CNTN3: variants seen among roughly 807,000 people sequenced by gnomAD.
The protein encoded by CNTN3 is contactin-3.
In CNTN3, 60 loss-of-function variants were observed where a neutral mutation model predicts 119.1. The ratio of observed to expected loss-of-function variants is 0.50; its 90% CI spans 0.41 to 0.62. The LOEUF is 0.62. CNTN3 is among the 20% of genes least tolerant of loss of function. CNTN3 has a pLI of 0.00. For synonymous variants in CNTN3, 450 were observed against 438.7 expected (o/e 1.03, Z -0.32); for missense variants, 1,101 against 1,242.4 (o/e 0.89, Z 1.71).
intron 13 of CNTN3, among the ~76,000 whole-genome samples, chr3:74,311,934 T>C (rs1702693781): frequency 6.6e-6 from 1 of 151,858 alleles, no homozygotes; most frequent in African/African-American, 2.4e-5. Flanking sequence ...ACATGAACTA[T>C]AATTGAGTAA....
intron 1 of CNTN3, among the ~76,000 whole-genome samples, chr3:74,530,828 G>C (rs1038572119): frequency 6.6e-6 from 1 of 152,032 alleles, no homozygotes; most frequent in Middle Eastern, 3.4e-3. Flanking sequence ...GGAAGAGGGA[G>C]AGTGCAGCAC....
At chr3:74,418,003 T>C (rs1442207362) in intron 5 of CNTN3, among the ~76,000 whole-genome samples, 1 of 152,166 alleles carries the variant, frequency 6.6e-6, no homozygotes, top group African/African-American at 2.4e-5. Flanking sequence ...TGCCAATTTC[T>C]CATTAGCCTA....
At chr3:74,273,797 G>A (rs980006831) in intron 20 of CNTN3, among the ~76,000 whole-genome samples, 1 of 152,194 alleles carries the variant, frequency 6.6e-6, no homozygotes, top group African/African-American at 2.4e-5. Context: ...TTAACTGGTT[G>A]AGAAGCTTCC....
chr3:74,515,476 C>A (rs377245217), intron 2 of CNTN3, among the ~76,000 whole-genome samples: 13 of 152,114 alleles, frequency 8.5e-5, no homozygotes, highest in African/African-American at 2.9e-4. Context: ...AGGAAATACA[C>A]ATCCTGTTTA....
At position 74,409,027 on chromosome 3, in the gene CNTN3, C is replaced by T. The variant is rs528703998; in HGVS notation, c.454+15818G>A. The stretch of plus-strand genomic sequence containing the variant: ...ACAGCTTAGAAGAAGCAGTCTTCCA[C>T]GAAGAGCCTTGCATATATATAAGGG... On this transcript the variant is annotated intron_variant, in intron 5 of 22. Transcript: ENST00000263665. 5.6e-4 allele frequency among the ~76,000 whole-genome samples: 86 copies of T among 152,214 alleles called. 1 individual carries two copies. The highest frequency in any genetic ancestry group is 3.5e-3 in the South Asian group (17 of 4,824).
At chr3:74,447,955 A>G (rs1702079109) in intron 4 of CNTN3, among the ~76,000 whole-genome samples, 1 of 152,190 alleles carries the variant, frequency 6.6e-6, no homozygotes, top group Non-Finnish European at 1.5e-5. Context: ...GATGCAGCCC[A>G]GCTTAAAATT....
intron 19 of CNTN3, 124 bp downstream of exon 19, chr3:74,294,997 G>A: frequency 3.7e-6 from 2 of 539,272 alleles, no homozygotes; most frequent in Non-Finnish European, 6.7e-6. Flanking sequence ...GAAACAATGT[G>A]TTGATAAAAA....
chr3:74,596,765 A>G (rs968017489), intron 1 of CNTN3, among the ~76,000 whole-genome samples: 1 of 152,080 alleles, frequency 6.6e-6, no homozygotes, highest in Non-Finnish European at 1.5e-5. Flanking sequence ...TCCCCTACAC[A>G]AATCAGTGAA....
chr3:74,336,391 T>A, intron 12 of CNTN3, 140 bp downstream of exon 12: 1 of 864,052 alleles, frequency 1.2e-6, no homozygotes, highest in Non-Finnish European at 1.8e-6. Flanking sequence ...GACTTTCACC[T>A]GTTAAAAATA....
chr3:74,398,673 G>C (rs1406475987), intron 5 of CNTN3, among the ~76,000 whole-genome samples: 4 of 152,130 alleles, frequency 2.6e-5, no homozygotes, highest in Non-Finnish European at 5.9e-5. Flanking sequence ...TAAAATGTGT[G>C]TCAAACAGTG....
chr3:74,597,160 G>T (rs1298106093), intron 1 of CNTN3, among the ~76,000 whole-genome samples: 2 of 152,062 alleles, frequency 1.3e-5, no homozygotes, highest in Non-Finnish European at 2.9e-5. Context: ...AATGCATATT[G>T]TTTGTACACA....
chr3:74,537,423 T>A (rs1172114837), intron 1 of CNTN3, among the ~76,000 whole-genome samples: 1 of 152,132 alleles, frequency 6.6e-6, no homozygotes, highest in Non-Finnish European at 1.5e-5. Flanking sequence ...GCCCAGAATT[T>A]GTATTTTTAA....
intron 8 of CNTN3, among the ~76,000 whole-genome samples, chr3:74,368,803 GTT>G (rs886111936): frequency 6.9e-6 from 1 of 145,398 alleles, no homozygotes. Context: ...CCAAAAGGCA[GTT>G]TTTTTTTTTT....
chr3:74,443,828 C>A (rs1702004932), intron 4 of CNTN3, among the ~76,000 whole-genome samples: 1 of 152,002 alleles, frequency 6.6e-6, no homozygotes, highest in South Asian at 2.1e-4. Flanking sequence ...TTGGTCAAGA[C>A]ACAATACTTA....
intron 1 of CNTN3, among the ~76,000 whole-genome samples, chr3:74,570,395 G>A (rs752013792): frequency 6.6e-6 from 1 of 151,934 alleles, no homozygotes; most frequent in African/African-American, 2.4e-5. Flanking sequence ...TTCTGTTCAT[G>A]TAGAGAATTC....
At chr3:74,521,716 T>C (rs1703546402) in intron 1 of CNTN3, among the ~76,000 whole-genome samples, 4 of 151,926 alleles carry the variant, frequency 2.6e-5, no homozygotes, top group Non-Finnish European at 5.9e-5. Context: ...AAAACAGATT[T>C]TAAAATGCTA....
At position 74,298,048 on chromosome 3, in the gene CNTN3, T is replaced by C. The variant is rs777030392; in HGVS notation, c.2310A>G (p.Pro770=). 3.8e-5 allele frequency: 61 copies of C among 1,613,994 alleles called. No homozygotes were observed. Among genetic ancestry groups the C allele is most frequent in the Non-Finnish European group, 4.9e-5 (58 of 1,179,990 alleles). Residue 770 remains proline (P), a synonymous_variant, in exon 18 of 23, where the codon CCA becomes CCG. Transcript: ENST00000263665. ...RYVFRNESIV[P]YSPYEVKVGV... ...CCACTTTAACTTCATATGGTGAATATGGCACGATGCTTTCATTCCTAAAGA... is the reference window on the plus strand; with the variant it reads ...CCACTTTAACTTCATATGGTGAATACGGCACGATGCTTTCATTCCTAAAGA...
intron 1 of CNTN3, among the ~76,000 whole-genome samples, chr3:74,539,876 T>G (rs1374521405): frequency 6.6e-6 from 1 of 152,104 alleles, no homozygotes; most frequent in Non-Finnish European, 1.5e-5. Flanking sequence ...CACATTGTAT[T>G]TGTTCGGAAA....
At position 74,429,165 on chromosome 3, in the gene CNTN3, CT is replaced by C. The variant is rs796405888; in HGVS notation, c.359-4226del. 1.3e-3 allele frequency among the ~76,000 whole-genome samples: 192 copies of C among 147,126 alleles called. 1 individual carries two copies. The highest frequency in any genetic ancestry group is 3.5e-3 in the Middle Eastern group (1 of 284). ...ATATCAGCATGGTTTTGGGTTTGTTCTTTTTTTTTTGTAGATAAAGACAAGC... is the reference window on the plus strand; with the variant it reads ...ATATCAGCATGGTTTTGGGTTTGTTCTTTTTTTTTGTAGATAAAGACAAGC... On this transcript the variant is annotated intron_variant, in intron 4 of 22. Coordinates refer to ENST00000263665, the MANE Select transcript of CNTN3 (RefSeq NM_020872.3).
Sources: allele counts gnomAD v4.1 joint callset (sites outside exome capture counted in the v4.1 genomes callset), GRCh38; gene constraint gnomAD v4.1.1; transcripts MANE v1.5; gene names NCBI Gene and HGNC (gene_info 2026-07-23, HGNC 2026-07-21).